DLG2: variants seen among roughly 807,000 people sequenced by gnomAD.
The protein encoded by DLG2 is discs large MAGUK scaffold protein 2, also known as disks large homolog 2.
In DLG2, 45 loss-of-function variants were observed where a neutral mutation model predicts 132.5. The observed-to-expected ratio is 0.34, with a 90% CI of 0.27 to 0.44. The LOEUF is 0.44. Ranked by LOEUF, DLG2 falls within the 20% of genes least tolerant of loss-of-function variation. The pLI is 1.00. For missense variants in DLG2, 1,045 were observed against 1,196.9 expected (o/e 0.87, Z 1.87); for synonymous variants, 424 against 419.6 (o/e 1.01, Z -0.13).
chr11:84,503,041 A>G (rs1164527844), intron 7 of DLG2, among the ~76,000 whole-genome samples: 8 of 152,190 alleles, frequency 5.3e-5, no homozygotes, highest in Admixed American at 4.6e-4. Flanking sequence ...CTCTTGTAAT[A>G]CATTCTAAAA....
intron 19 of DLG2, among the ~76,000 whole-genome samples, chr11:83,581,532 T>C (rs2144874261): frequency 6.6e-6 from 1 of 152,352 alleles, no homozygotes; most frequent in Non-Finnish European, 1.5e-5. Context: ...AGAGCTGTCA[T>C]ACACTTGAAT....
intron 3 of DLG2, among the ~76,000 whole-genome samples, chr11:85,338,928 G>A (rs928109988): frequency 7.2e-5 from 11 of 151,882 alleles, no homozygotes; most frequent in African/African-American, 1.4e-4. Context: ...TCCTGACCTC[G>A]TGATCCGCCC....
chr11:84,674,848 A>G (rs1327752536), intron 6 of DLG2, among the ~76,000 whole-genome samples: 2 of 152,106 alleles, frequency 1.3e-5, no homozygotes, highest in Non-Finnish European at 2.9e-5. Context: ...ACATGGGCTC[A>G]TCTTTAATCT....
At chr11:85,359,734 G>A (rs751443662) in intron 3 of DLG2, among the ~76,000 whole-genome samples, 17 of 152,076 alleles carry the variant, frequency 1.1e-4, no homozygotes, top group Non-Finnish European at 2.2e-4. Flanking sequence ...AGGGGAGGGC[G>A]CAACAACGTG....
intron 17 of DLG2, among the ~76,000 whole-genome samples, chr11:83,812,091 A>G (rs938915357): frequency 1.3e-5 from 2 of 152,152 alleles, no homozygotes; most frequent in East Asian, 3.9e-4. Flanking sequence ...TTGAACTTCC[A>G]TCTGTCTACT....
intron 7 of DLG2, among the ~76,000 whole-genome samples, chr11:84,374,666 A>G (rs1351450294): frequency 6.6e-6 from 1 of 152,036 alleles, no homozygotes; most frequent in African/African-American, 2.4e-5. Context: ...TTCATATCTC[A>G]TCAACTCTGG....
intron 3 of DLG2, among the ~76,000 whole-genome samples, chr11:85,456,319 T>A (rs2092420951): frequency 6.6e-6 from 1 of 152,204 alleles, no homozygotes; most frequent in African/African-American, 2.4e-5. Flanking sequence ...ATGTCCCCTT[T>A]GTCATTTCTG....
intron 6 of DLG2, among the ~76,000 whole-genome samples, chr11:84,541,252 G>T (rs1448902910): frequency 6.6e-6 from 1 of 151,762 alleles, no homozygotes; most frequent in African/African-American, 2.4e-5. Context: ...TCCTGTTTCA[G>T]CTCTAAGGGG....
At chr11:85,552,019 A>G (rs2076692893) in intron 3 of DLG2, among the ~76,000 whole-genome samples, 1 of 146,928 alleles carries the variant, frequency 6.8e-6, no homozygotes, top group Non-Finnish European at 1.5e-5. Flanking sequence ...GTAAGCAGGA[A>G]CTGAGGCAGG....
chr11:84,802,246 T>A (rs542656466), intron 6 of DLG2, among the ~76,000 whole-genome samples: 1 of 151,620 alleles, frequency 6.6e-6, no homozygotes, highest in Non-Finnish European at 1.5e-5. Flanking sequence ...AAGAAAATAA[T>A]AGGAAATTAT....
At chr11:85,224,714 T>C (rs926280339) in intron 4 of DLG2, among the ~76,000 whole-genome samples, 10 of 152,182 alleles carry the variant, frequency 6.6e-5, no homozygotes, top group Admixed American at 3.9e-4. Flanking sequence ...TCAAAATTTC[T>C]TTTATGATTA....
At chr11:85,117,170 C>T (rs1196215344) in intron 5 of DLG2, among the ~76,000 whole-genome samples, 1 of 151,956 alleles carries the variant, frequency 6.6e-6, no homozygotes, top group East Asian at 1.9e-4. Flanking sequence ...ATAGGGTGGG[C>T]TGCTGTAAAA....
intron 19 of DLG2, among the ~76,000 whole-genome samples, chr11:83,627,315 G>A (rs895920013): frequency 1.3e-5 from 2 of 151,624 alleles, no homozygotes; most frequent in Admixed American, 6.6e-5. Flanking sequence ...CAGTTAACTC[G>A]TCATTTAGCA....
At chr11:85,076,464 G>C (rs1205919978) in intron 6 of DLG2, among the ~76,000 whole-genome samples, 1 of 151,924 alleles carries the variant, frequency 6.6e-6, no homozygotes, top group South Asian at 2.1e-4. Context: ...CAACAACCCG[G>C]AAATGGTTTG....
At chr11:84,213,724 C>A (rs2096788985) in intron 8 of DLG2, among the ~76,000 whole-genome samples, 1 of 147,550 alleles carries the variant, frequency 6.8e-6, no homozygotes, top group Non-Finnish European at 1.5e-5. Flanking sequence ...GAGGCTGAGG[C>A]AGGAGAATGG....
chr11:84,073,193 A>G (rs577360258), intron 10 of DLG2, among the ~76,000 whole-genome samples: 1 of 152,286 alleles, frequency 6.6e-6, no homozygotes, highest in South Asian at 2.1e-4. Context: ...TGCTGCCAGT[A>G]TCCACACCTT....
At chr11:84,112,545 G>A (rs972105991) in intron 9 of DLG2, among the ~76,000 whole-genome samples, 1 of 150,432 alleles carries the variant, frequency 6.6e-6, no homozygotes, top group African/African-American at 2.5e-5. Flanking sequence ...TTTTTAGGCA[G>A]ATAACTAGAG....
intron 7 of DLG2, among the ~76,000 whole-genome samples, chr11:84,498,444 C>T (rs1252234838): frequency 6.6e-6 from 1 of 152,100 alleles, no homozygotes; most frequent in Non-Finnish European, 1.5e-5. Context: ...CCACCACCCC[C>T]ACCACCAACA....
intron 19 of DLG2, among the ~76,000 whole-genome samples, chr11:83,574,269 T>G (rs549424244): frequency 6.6e-6 from 1 of 152,282 alleles, no homozygotes; most frequent in South Asian, 2.1e-4. Flanking sequence ...ATGTACTGAT[T>G]TTAAAGATGA....
Sources: allele counts gnomAD v4.1 joint callset (sites outside exome capture counted in the v4.1 genomes callset), GRCh38; gene constraint gnomAD v4.1.1; transcripts MANE v1.5; gene names NCBI Gene and HGNC (gene_info 2026-07-23, HGNC 2026-07-21).